BRAP: variants seen among roughly 807,000 people sequenced by gnomAD.
BRAP encodes the protein BRCA1-associated protein.
Under a neutral mutation model 73.4 loss-of-function variants are expected in BRAP, and 42 were observed. The ratio of observed to expected loss-of-function variants is 0.57; its 90% CI spans 0.45 to 0.74. The LOEUF is 0.74. BRAP is among the 30% of genes least tolerant of loss of function. The probability of loss-of-function intolerance (pLI) is 0.00; values close to 1 mark genes in which losing one functional copy is unlikely to be tolerated. For missense variants in BRAP, 593 were observed against 751.4 expected (o/e 0.79, Z 2.46); for synonymous variants, 255 against 267.4 (o/e 0.95, Z 0.45).
At chr12:111,676,657 G>A (rs890869544) in intron 4 of BRAP, among the ~76,000 whole-genome samples, 2 of 152,078 alleles carry the variant, frequency 1.3e-5, no homozygotes, top group Non-Finnish European at 2.9e-5. Flanking sequence ...CAAGTGTTCC[G>A]CCCACCTTGG....
chr12:111,681,666 A>T lies in BRAP; in HGVS notation c.414T>A (p.Val138=), dbSNP rs762925863. Residue 138 remains valine (V), a synonymous_variant, in exon 3 of 12, where the codon GTT becomes GTA. Coordinates refer to ENST00000419234, the MANE Select transcript of BRAP (RefSeq NM_006768.5). ...FFSGNPSVEI[V]HGIMHLYKTN... ...TCTTATATAGGTGCATAATACCATG[A>T]ACTATTTCAACTGATGGATTTCCAC... 9.9e-6 allele frequency: 16 copies of T among 1,613,716 alleles called. No individual in the cohort carries two copies. Among genetic ancestry groups the T allele is most frequent in the Non-Finnish European group, 1.4e-5 (16 of 1,179,870 alleles).
intron 3 of BRAP, among the ~76,000 whole-genome samples, chr12:111,681,092 G>A (rs1887582077): frequency 1.3e-5 from 2 of 152,168 alleles, no homozygotes; most frequent in Admixed American, 6.5e-5. Flanking sequence ...TTTCCTGGCA[G>A]GGCGCAGTGG....
intron 1 of BRAP, 89 bp downstream of exon 1, chr12:111,685,622 C>T (rs1887794356): frequency 1.5e-5 from 22 of 1,438,146 alleles, no homozygotes; most frequent in Non-Finnish European, 2.0e-5. Flanking sequence ...GCCCTCGCCG[C>T]GGGCTTTTCC....
chr12:111,658,636 TAA>T, intron 9 of BRAP, 98 bp downstream of exon 9: 7 of 893,350 alleles, frequency 7.8e-6, no homozygotes, highest in Non-Finnish European at 1.1e-5. Context: ...GACCAAACTT[TAA>T]AAAAAAAATG....
chr12:111,651,213 A>T (rs1300808935), intron 10 of BRAP, among the ~76,000 whole-genome samples: 226 of 147,056 alleles, frequency 1.5e-3, no homozygotes, highest in African/African-American at 5.8e-3. Flanking sequence ...CAAGTCTCTA[A>T]TAGCACTAGC....
intron 1 of BRAP, among the ~76,000 whole-genome samples, chr12:111,684,961 G>C (rs1244433170): frequency 2.6e-5 from 4 of 152,176 alleles, no homozygotes; most frequent in African/African-American, 9.7e-5. Context: ...GAGCCACCGC[G>C]CCCGGCCAAG....
chr12:111,670,889 C>G (rs1887142393), intron 5 of BRAP, among the ~76,000 whole-genome samples: 1 of 152,000 alleles, frequency 6.6e-6, no homozygotes, highest in Admixed American at 6.6e-5. Context: ...CACCTGAGAT[C>G]AGAAGTTTGA....
At chr12:111,668,032 C>T (rs997375046) in intron 5 of BRAP, among the ~76,000 whole-genome samples, 4 of 152,124 alleles carry the variant, frequency 2.6e-5, no homozygotes, top group African/African-American at 9.7e-5. Context: ...CGTGGTGAAA[C>T]CCCATCTCTA....
intron 11 of BRAP, 67 bp from the exon 12 acceptor site, chr12:111,644,629 G>A: frequency 6.4e-7 from 1 of 1,561,422 alleles, no homozygotes; most frequent in Non-Finnish European, 8.7e-7. Context: ...TTTCTGCTCT[G>A]GGATTGAACA....
At position 111,672,647 on chromosome 12, in the gene BRAP, C is replaced by A. The variant is rs773854166; in HGVS notation, c.747+14G>T. On this transcript the variant is annotated intron_variant, in intron 5 of 11. Coordinates refer to ENST00000419234, the MANE Select transcript of BRAP (RefSeq NM_006768.5). ...GATATATTTTAATTAAATATAGGAA[C>A]AATTCACACTTACATCTTCAGATTT... 4 of 1,594,828 alleles carry A rather than the reference C, an allele frequency of 2.5e-6. No individual in the cohort carries two copies. The highest frequency in any genetic ancestry group is 2.7e-5 in the African/African-American group (2 of 74,322).
intron 9 of BRAP, among the ~76,000 whole-genome samples, chr12:111,656,043 T>C (rs1031909073): frequency 6.6e-6 from 1 of 152,202 alleles, no homozygotes; most frequent in Non-Finnish European, 1.5e-5. Context: ...CCCTGACTGA[T>C]AGCACTGTGC....
Position 111,644,321 on chromosome 12 carries a change from T to A in BRAP, c.1657A>T (p.Thr553Ser). ...QQKINHLPAETRQEIQEGQIN... is the reference protein window; with the variant it reads ...QQKINHLPAESRQEIQEGQIN... ...TGTCCCTCCTGGATTTCCTGCCGGG[T>A]CTCGGCAGGCAGATGGTTGATCTTC... The change falls in exon 12 of 12, where the codon ACC (threonine) becomes TCC (serine). Residue 553 changes from threonine (T) to serine (S), a missense_variant. Around this residue, in one of 4 missense-constraint regions of BRAP, gnomAD observed 79 missense variants for 65.3 expected, o/e 1.21. Transcript: ENST00000419234. The A allele has an allele frequency of 1.9e-6, 3 of 1,613,916 alleles. No homozygotes were observed. Among genetic ancestry groups the A allele is most frequent in the Non-Finnish European group, 2.5e-6 (3 of 1,179,994 alleles).
intron 4 of BRAP, among the ~76,000 whole-genome samples, chr12:111,676,063 A>G (rs1566127173): frequency 1.3e-5 from 2 of 152,144 alleles, no homozygotes; most frequent in Non-Finnish European, 2.9e-5. Context: ...AATTTTTAAG[A>G]AACAGGATCT....
chr12:111,682,009 A>C (rs887218989), intron 2 of BRAP, among the ~76,000 whole-genome samples, 174 bp from the exon 3 acceptor site: 2 of 152,178 alleles, frequency 1.3e-5, no homozygotes, highest in Admixed American at 6.6e-5. Context: ...TCATACTTTA[A>C]AGCTCTCTTT....
At position 111,644,498 on chromosome 12, in the gene BRAP, T is replaced by A; in HGVS notation, c.1480A>T (p.Asn494Tyr). 1 of 1,614,178 alleles carries A rather than the reference T, an allele frequency of 6.2e-7. No individual in the cohort carries two copies. Among genetic ancestry groups the A allele is most frequent in the Non-Finnish European group, 8.5e-7 (1 of 1,180,022 alleles). ...TNELKEEQEMNKCLRANQVLL... is the reference protein window; with the variant it reads ...TNELKEEQEMYKCLRANQVLL... ...ACTTGGTTGGCTCGCAAACACTTGTTCATTTCCTGCTCCTCTTTGAGCTCG... is the reference window on the plus strand; with the variant it reads ...ACTTGGTTGGCTCGCAAACACTTGTACATTTCCTGCTCCTCTTTGAGCTCG... Residue 494 changes from asparagine (N) to tyrosine (Y), a missense_variant, in exon 12 of 12, where the codon AAC (asparagine) becomes TAC (tyrosine). Coordinates refer to ENST00000419234, the MANE Select transcript of BRAP (RefSeq NM_006768.5).
At chr12:111,652,045 A>G (rs1886346520) in intron 10 of BRAP, among the ~76,000 whole-genome samples, 1 of 152,188 alleles carries the variant, frequency 6.6e-6, no homozygotes, top group Non-Finnish European at 1.5e-5. Flanking sequence ...TTTTAAAATA[A>G]CAGAGCACTA....
chr12:111,678,443 G>A (rs1305891416), intron 4 of BRAP, among the ~76,000 whole-genome samples: 9 of 151,240 alleles, frequency 6.0e-5, no homozygotes, highest in Non-Finnish European at 1.3e-4. Flanking sequence ...TGGATCACAA[G>A]GTCAGGAGTT....
Position 111,644,211 on chromosome 12 carries a change from C to G in BRAP, c.1767G>C (p.Lys589Asn). The change falls in exon 12 of 12, where the codon AAG (lysine) becomes AAC (asparagine). Residue 589 changes from lysine to asparagine, a missense_variant. By Grantham distance (94) the Lys-to-Asn change is moderately conservative. Around this residue, in one of 4 missense-constraint regions of BRAP, gnomAD observed 79 missense variants for 65.3 expected, o/e 1.21. Transcript: ENST00000419234. ...GKLPSRKGRS[K>N]RGK is the part of the protein sequence containing the mutation. ...GTTGCTCTGAAGGTCACTTGCCCCT[C>G]TTGCTGCGGCCCTTCCTGGAGGGCA... 6.2e-7 allele frequency: 1 copy of G among 1,611,016 alleles called. No homozygotes were observed. The highest frequency in any genetic ancestry group is 8.5e-7 in the Non-Finnish European group (1 of 1,179,622).
intron 5 of BRAP, among the ~76,000 whole-genome samples, chr12:111,667,364 T>C (rs911492027): frequency 2.0e-5 from 3 of 152,286 alleles, no homozygotes. Flanking sequence ...TGTATGCTTC[T>C]TTTGTCTGTG....
Sources: allele counts gnomAD v4.1 joint callset (sites outside exome capture counted in the v4.1 genomes callset), GRCh38; gene constraint gnomAD v4.1.1; regional missense constraint gnomAD v4.1.1; transcripts MANE v1.5; gene names NCBI Gene and HGNC (gene_info 2026-07-23, HGNC 2026-07-21).